The following ANO1 variants were observed in gnomAD, a reference collection of about 807,000 sequenced individuals.
ANO1 encodes anoctamin-1.
Under a neutral mutation model 124.0 loss-of-function variants are expected in ANO1, and 59 were observed. That is an observed-to-expected ratio of 0.48 (90% CI 0.39 to 0.59). The LOEUF is 0.59. Ranked by LOEUF, ANO1 falls within the 20% of genes least tolerant of loss-of-function variation. ANO1 has a pLI of 0.00. For missense variants in ANO1, 1,059 were observed against 1,328.0 expected, an observed-to-expected ratio of 0.80 and a Z score of 3.15; for synonymous variants, 529 against 532.0, an observed-to-expected ratio of 0.99 and a Z score of 0.08.
At chr11:70,046,207 T>C (rs760268369) in intron 1 of ANO1, among the ~76,000 whole-genome samples, 23 of 152,214 alleles carry the variant, frequency 1.5e-4, no homozygotes, top group Non-Finnish European at 3.2e-4. Flanking sequence ...CTGATCTTTT[T>C]AATAAAAGCT....
At chr11:70,156,051 T>C in intron 15 of ANO1, 63 bp downstream of exon 15, 1 of 1,393,194 alleles carries the variant, frequency 7.2e-7, no homozygotes. Context: ...AAGTCGATTG[T>C]GTTTTTCCTC....
intron 2 of ANO1, among the ~76,000 whole-genome samples, chr11:70,089,780 T>C (rs960750725): frequency 6.6e-6 from 1 of 152,180 alleles, no homozygotes; most frequent in Admixed American, 6.5e-5. Flanking sequence ...GGATTCCTGA[T>C]GGGTTTTCGC....
chr11:69,976,240 A>C, the ANO1 span, among the ~76,000 whole-genome samples: 2 of 151,966 alleles, frequency 1.3e-5, no homozygotes, highest in Non-Finnish European at 2.9e-5. Flanking sequence ...CCTTCTAAGA[A>C]GGCTCACGCC....
intron 11 of ANO1, among the ~76,000 whole-genome samples, chr11:70,139,883 T>G (rs1590837743): frequency 6.6e-6 from 1 of 152,366 alleles, no homozygotes; most frequent in African/African-American, 2.4e-5. Flanking sequence ...ACTAACTGGC[T>G]CCGGCTGGCG....
Position 70,103,874 on chromosome 11 carries a change from G to A in ANO1, c.541-125G>A, listed in dbSNP as rs952848635. On this transcript the variant is annotated intron_variant, in intron 3 of 25. Coordinates refer to ENST00000355303, the MANE Select transcript of ANO1 (RefSeq NM_018043.7). ...GGGCGGTGCATTCTGGCCCACCCAG[G>A]TGCTCTGCTCTCAGGACGCCCCGTT... is the stretch of plus-strand genomic sequence containing the variant. 3.8e-6 allele frequency: 4 copies of A among 1,057,278 alleles called. No individual in the cohort carries two copies. In the African/African-American group the frequency reaches 4.8e-5, roughly 13 times the overall value. 65.5% of individuals were successfully genotyped at this position (1,057,278 alleles called of 1,614,324 possible).
At chr11:70,122,141 CCTCTGT>C (rs1431559394) in intron 8 of ANO1, among the ~76,000 whole-genome samples, 13 of 122,436 alleles carry the variant, frequency 1.1e-4, no homozygotes, top group African/African-American at 3.9e-4. Context: ...TCTCCATCTG[CCTCTGT>C]CTCTGTCTCT....
chr11:70,093,259 T>C (rs928812178), intron 2 of ANO1, among the ~76,000 whole-genome samples: 1 of 139,870 alleles, frequency 7.1e-6, no homozygotes, highest in African/African-American at 2.7e-5. Flanking sequence ...CCCCTCTCAC[T>C]TTCTCTCTCT....
chr11:70,103,665 G>A (rs763116709), intron 3 of ANO1, among the ~76,000 whole-genome samples: 5 of 152,154 alleles, frequency 3.3e-5, no homozygotes, highest in Admixed American at 6.5e-5. Context: ...TCTGGCAGGC[G>A]GACGGGTGAA....
At chr11:70,145,847 G>A (rs533616221) in intron 11 of ANO1, among the ~76,000 whole-genome samples, 3 of 147,714 alleles carry the variant, frequency 2.0e-5, no homozygotes, top group East Asian at 4.1e-4. Context: ...TGAGGCCAGA[G>A]AATTACTTGA....
chr11:70,182,829 G>A (rs1406796302), intron 24 of ANO1, 143 bp downstream of exon 24: 3 of 865,404 alleles, frequency 3.5e-6, no homozygotes, highest in Non-Finnish European at 4.9e-6. Flanking sequence ...AAAAAAAAAG[G>A]CTGGTGCAGT....
At chr11:70,154,498 G>C (rs1249595647) in intron 14 of ANO1, among the ~76,000 whole-genome samples, 1 of 120,998 alleles carries the variant, frequency 8.3e-6, no homozygotes. Context: ...AGGGAGTCTC[G>C]CTTTGTAGCC....
At chr11:70,086,167 G>A (rs1247249074) in intron 1 of ANO1, among the ~76,000 whole-genome samples, 1 of 152,252 alleles carries the variant, frequency 6.6e-6, no homozygotes, top group Non-Finnish European at 1.5e-5. Context: ...CCAGCTCGAG[G>A]GATGAGGCAC....
At chr11:70,109,466 G>T (rs1421482968) in intron 6 of ANO1, among the ~76,000 whole-genome samples, 1 of 152,220 alleles carries the variant, frequency 6.6e-6, no homozygotes, top group Non-Finnish European at 1.5e-5. Flanking sequence ...AAGGCAAGGG[G>T]AGTGTGGAGG....
chr11:69,982,375 C>A (rs983744149), upstream of ANO1, among the ~76,000 whole-genome samples: 3 of 152,312 alleles, frequency 2.0e-5, no homozygotes, highest in Non-Finnish European at 4.4e-5. Context: ...CTAAAAGTCA[C>A]CGTCCACCTT....
chr11:69,998,538 G>A (rs1342102187), intron 1 of ANO1, among the ~76,000 whole-genome samples: 3 of 152,228 alleles, frequency 2.0e-5, no homozygotes, highest in African/African-American at 7.2e-5. Flanking sequence ...CCAGTTCGAA[G>A]CCATTATTAA....
At chr11:70,087,355 A>G (rs186002181) in intron 1 of ANO1, among the ~76,000 whole-genome samples, 166 of 152,276 alleles carry the variant, frequency 1.1e-3, no homozygotes, top group Non-Finnish European at 1.7e-3. Context: ...TGTACTGTCA[A>G]ATACTAGGTC....
intron 11 of ANO1, among the ~76,000 whole-genome samples, chr11:70,141,329 G>A (rs1034060956): frequency 1.3e-5 from 2 of 152,132 alleles, no homozygotes; most frequent in African/African-American, 4.8e-5. Context: ...CTGCGGGCCA[G>A]CCCCTTCGTA....
At chr11:69,967,139 C>T in the ANO1 span, among the ~76,000 whole-genome samples, 81,249 of 150,438 alleles carry the variant, frequency 0.54, 24,536 homozygotes, top group South Asian at 0.75. Flanking sequence ...CCCTGGAGAA[C>T]CACACGCTGT....
At chr11:70,118,455 C>T (rs928153298) in intron 8 of ANO1, among the ~76,000 whole-genome samples, 2 of 152,084 alleles carry the variant, frequency 1.3e-5, no homozygotes, top group African/African-American at 4.8e-5. Flanking sequence ...CAAGGCCTGG[C>T]CCATGGGGGT....
Sources: allele counts gnomAD v4.1 joint callset (sites outside exome capture counted in the v4.1 genomes callset), GRCh38; gene constraint gnomAD v4.1.1; transcripts MANE v1.5; gene names NCBI Gene and HGNC (gene_info 2026-07-23, HGNC 2026-07-21).